Variants in PPME1 observed in about 807,000 individuals in gnomAD.
PPME1 encodes testicular secretory protein Li 39.
PPME1 carries 17 observed loss-of-function variants against 56.9 expected under a neutral mutation model. The observed-to-expected ratio is 0.30, with a 90% CI of 0.20 to 0.45. PPME1 has a LOEUF of 0.45. PPME1 is among the 20% of genes least tolerant of loss of function. The probability of loss-of-function intolerance (pLI) is 1.00; values close to 1 mark genes in which losing one functional copy is unlikely to be tolerated. For missense variants in PPME1, 357 were observed against 483.2 expected, an observed-to-expected ratio of 0.74 and a Z score of 2.45; for synonymous variants, 122 against 156.2, an observed-to-expected ratio of 0.78 and a Z score of 1.63.
At chr11:74,179,857 A>C (rs927622017) in intron 1 of PPME1, among the ~76,000 whole-genome samples, 20 of 152,334 alleles carry the variant, frequency 1.3e-4, no homozygotes, top group African/African-American at 4.1e-4. Context: ...TTTTAAAAAC[A>C]GTGGTGCCTT....
intron 1 of PPME1, among the ~76,000 whole-genome samples, chr11:74,195,094 G>T (rs1218475993): frequency 2.0e-5 from 3 of 152,172 alleles, no homozygotes; most frequent in Non-Finnish European, 4.4e-5. Flanking sequence ...GGCTTTATTT[G>T]TTTAAAATTG....
At chr11:74,244,773 G>C (rs1042357358) in intron 9 of PPME1, among the ~76,000 whole-genome samples, 5 of 152,144 alleles carry the variant, frequency 3.3e-5, no homozygotes, top group Admixed American at 2.6e-4. Flanking sequence ...TCATATCCAA[G>C]AAATCATTAC....
chr11:74,233,454 A>G (rs1591059234), intron 7 of PPME1, among the ~76,000 whole-genome samples: 3 of 152,042 alleles, frequency 2.0e-5, no homozygotes, highest in South Asian at 4.2e-4. Context: ...TATAAGGCCA[A>G]TGATTTACTG....
chr11:74,209,061 T>C (rs1357496834), intron 3 of PPME1, among the ~76,000 whole-genome samples: 1 of 152,074 alleles, frequency 6.6e-6, no homozygotes, highest in East Asian at 1.9e-4. Flanking sequence ...ATTGTACCTT[T>C]AGTTTCCTTT....
intron 12 of PPME1, chr11:74,251,223 A>G (rs1859650736): frequency 7.1e-7 from 1 of 1,406,554 alleles, no homozygotes; most frequent in African/African-American, 1.4e-5. Flanking sequence ...GGAGCTACTG[A>G]CACTCTGCTA....
At chr11:74,241,848 TTAC>T (rs1859368836) in intron 9 of PPME1, among the ~76,000 whole-genome samples, 1 of 152,202 alleles carries the variant, frequency 6.6e-6, no homozygotes, top group Admixed American at 6.5e-5. Flanking sequence ...TTTGATTTTA[TTAC>T]TGAATTTTAA....
chr11:74,225,238 C>T lies in PPME1; in HGVS notation c.380C>T (p.Ser127Phe). Residue 127 changes from serine (S) to phenylalanine (F), a missense_variant, in exon 5 of 14, where the codon TCT (serine) becomes TTT (phenylalanine). By Grantham distance (155) the Ser-to-Phe change is radical. Coordinates refer to ENST00000328257, the MANE Select transcript of PPME1 (RefSeq NM_016147.3). ...ETKVKNPEDLSAETMAKDVGN... is the reference protein window; with the variant it reads ...ETKVKNPEDLFAETMAKDVGN... ...AAGGTCAAGAATCCTGAAGATCTGT[C>T]TGCAGAAACAATGGCAAAGTAAGTA... The T allele has an allele frequency of 6.4e-7, 1 of 1,570,966 alleles. No homozygotes were observed. The highest frequency in any genetic ancestry group is 1.4e-5 in the African/African-American group (1 of 73,906).
intron 1 of PPME1, among the ~76,000 whole-genome samples, chr11:74,176,656 G>A (rs1420654052): frequency 6.6e-6 from 1 of 151,240 alleles, no homozygotes; most frequent in Non-Finnish European, 1.5e-5. Flanking sequence ...GTCACAGAAA[G>A]GCTTTTCCTT....
Position 74,175,461 on chromosome 11 carries a change from A to G in PPME1, c.101+3939A>G, listed in dbSNP as rs550216501. Among the ~76,000 whole-genome samples the G allele has an allele frequency of 5.7e-4, 87 of 152,186 alleles. 1 individual carries two copies. Among genetic ancestry groups the G allele is most frequent in the African/African-American group, 1.9e-3 (79 of 41,528 alleles). On this transcript the variant is annotated intron_variant, in intron 1 of 13. Transcript: ENST00000328257. ...GGTTGTGGTGAGCCGAGATCGCGCC[A>G]TTGCACTCCAGCCAGGGCAACAAGA...
intron 8 of PPME1, among the ~76,000 whole-genome samples, chr11:74,236,183 C>T (rs1320063108): frequency 4.6e-5 from 7 of 151,936 alleles, no homozygotes; most frequent in South Asian, 2.1e-4. Flanking sequence ...TTTTTTTCCT[C>T]CTCATTTAAT....
chr11:74,251,834 C>T (rs749030669), intron 13 of PPME1, 119 bp downstream of exon 13: 7 of 1,226,016 alleles, frequency 5.7e-6, no homozygotes, highest in South Asian at 3.6e-5. Flanking sequence ...CCATGCCTTT[C>T]TTCCTCCTCC....
chr11:74,230,450 C>G lies in PPME1; in HGVS notation c.553+51C>G, dbSNP rs1290999209. 20 of 1,573,342 alleles carry G rather than the reference C, an allele frequency of 1.3e-5. No homozygotes were observed. Among genetic ancestry groups the G allele is most frequent in the African/African-American group, 4.1e-5 (3 of 73,810 alleles). ...TCAGGATTTCACTTATAAGAGACATCCTTGGTAGATTATTACCTTGTCTTA... is the reference window on the plus strand; with the variant it reads ...TCAGGATTTCACTTATAAGAGACATGCTTGGTAGATTATTACCTTGTCTTA... On this transcript the variant is annotated intron_variant, in intron 6 of 13. Coordinates refer to ENST00000328257, the MANE Select transcript of PPME1 (RefSeq NM_016147.3). This position sits in a 1 kb window ranked among gnomAD's most constrained non-coding sequence, Gnocchi z 4.9.
chr11:74,201,017 C>A (rs909253110), intron 1 of PPME1, among the ~76,000 whole-genome samples: 2 of 151,634 alleles, frequency 1.3e-5, no homozygotes, highest in Non-Finnish European at 2.9e-5. Flanking sequence ...GCTCTGTAAC[C>A]CAAGCTGGAG....
chr11:74,229,632 C>T (rs1193579160), intron 5 of PPME1, among the ~76,000 whole-genome samples: 1 of 152,150 alleles, frequency 6.6e-6, no homozygotes, highest in African/African-American at 2.4e-5. Flanking sequence ...TAATAATTAA[C>T]ATTTGTGAAG....
chr11:74,202,934 C>G (rs12421960), intron 1 of PPME1, among the ~76,000 whole-genome samples: 1 of 151,930 alleles, frequency 6.6e-6, no homozygotes, highest in Non-Finnish European at 1.5e-5. Flanking sequence ...AGTGATAGCA[C>G]GCATATCGTG....
intron 1 of PPME1, chr11:74,198,858 C>G (rs1292933803): frequency 6.6e-6 from 1 of 152,186 alleles, no homozygotes; most frequent in South Asian, 2.1e-4. Flanking sequence ...CATAGACTGG[C>G]TCTTCATTTT....
At chr11:74,239,086 G>A (rs765339065) in intron 8 of PPME1, 47 bp from the exon 9 acceptor site, 85 of 1,552,048 alleles carry the variant, frequency 5.5e-5, no homozygotes, top group Non-Finnish European at 7.4e-5. Context: ...GAGATAATTT[G>A]TGTATTGGAA....
intron 3 of PPME1, among the ~76,000 whole-genome samples, chr11:74,207,380 A>G (rs1384318932): frequency 2.6e-5 from 4 of 152,242 alleles, no homozygotes; most frequent in Admixed American, 2.6e-4. Flanking sequence ...TTATGTATGA[A>G]GAGAAACCAT....
chr11:74,180,644 C>A (rs1431092608), intron 1 of PPME1, among the ~76,000 whole-genome samples: 1 of 152,148 alleles, frequency 6.6e-6, no homozygotes, highest in African/African-American at 2.4e-5. Flanking sequence ...TGTAATAGGT[C>A]TCATGATATG....
Sources: allele counts gnomAD v4.1 joint callset (sites outside exome capture counted in the v4.1 genomes callset), GRCh38; gene constraint gnomAD v4.1.1; non-coding constraint Gnocchi (gnomAD v3.1); transcripts MANE v1.5; gene names NCBI Gene and HGNC (gene_info 2026-07-23, HGNC 2026-07-21).